RBFOX3: variants seen among roughly 807,000 people sequenced by gnomAD.
RBFOX3 encodes RNA binding fox-1 homolog 3.
In RBFOX3, 17 loss-of-function variants were observed where a neutral mutation model predicts 48.7. The ratio of observed to expected loss-of-function variants is 0.35; its 90% confidence interval spans 0.24 to 0.52. The LOEUF (loss-of-function observed/expected upper bound fraction) is 0.52, where lower values mean the gene tolerates loss of function less well. RBFOX3 is among the 20% of genes least tolerant of loss of function. The pLI, the probability that RBFOX3 is intolerant of heterozygous loss-of-function variation, is 0.94. For missense variants in RBFOX3, 382 were observed against 497.5 expected (o/e 0.77, Z 2.21); for synonymous variants, 212 against 209.5 (o/e 1.01, Z -0.10).
chr17:79,513,089 C>T (rs975984909), intron 1 of RBFOX3, among the ~76,000 whole-genome samples: 29 of 152,012 alleles, frequency 1.9e-4, no homozygotes, highest in African/African-American at 4.8e-4. Flanking sequence ...ATGTTACCAT[C>T]GGGTACAGCC....
rs937888895 is a variant in RBFOX3, at chr17:79,363,697, C to A, written c.-174-55873G>T. Among the ~76,000 whole-genome samples the A allele has an allele frequency of 2.0e-5, 3 of 152,002 alleles. No individual in the cohort carries two copies. The highest frequency in any genetic ancestry group is 6.5e-5 in the Admixed American group (1 of 15,276). ...AGGCCACCAGCAGGTGTTTCAGGGA[C>A]CTCCGACACGCCTCCAGAGCCCCCA... On this transcript the variant is annotated intron_variant, in intron 2 of 14. Coordinates refer to ENST00000693108, the MANE Select transcript of RBFOX3 (RefSeq NM_001350451.2). This position sits in a 1 kb window ranked among gnomAD's most constrained non-coding sequence, Gnocchi z 4.7.
chr17:79,643,977 G>A, the RBFOX3 span, among the ~76,000 whole-genome samples: 1 of 151,708 alleles, frequency 6.6e-6, no homozygotes, highest in Non-Finnish European at 1.5e-5. Flanking sequence ...GCTAAAAGAT[G>A]GTTCTTTGAA....
At chr17:79,182,748 G>A (rs1055659124) in intron 4 of RBFOX3, among the ~76,000 whole-genome samples, 5 of 149,682 alleles carry the variant, frequency 3.3e-5, no homozygotes, top group East Asian at 3.9e-4. Context: ...GGCCTCCCTC[G>A]CCAGGCGGGT....
At chr17:79,279,997 G>A (rs910970728) in intron 3 of RBFOX3, among the ~76,000 whole-genome samples, 10 of 152,046 alleles carry the variant, frequency 6.6e-5, no homozygotes, top group Admixed American at 1.3e-4. Flanking sequence ...AAATAGTAAT[G>A]GGTAGTCCAG....
intron 9 of RBFOX3, among the ~76,000 whole-genome samples, chr17:79,100,663 G>A: frequency 6.6e-6 from 1 of 152,214 alleles, no homozygotes; most frequent in East Asian, 1.9e-4. Flanking sequence ...ATCCCGTCTA[G>A]GGGCAGCGCT....
In RBFOX3 at chr17:79,477,338, C is replaced by G. The variant is rs377196121; in HGVS notation, c.-175+5116G>C. ...TTGGGAGGCCAAGGCAGGTGGATCA[C>G]GAGGTCAGGAGATCGAGATCATCCT... is the stretch of plus-strand genomic sequence containing the variant. On this transcript the variant is annotated intron_variant, in intron 2 of 14. Coordinates refer to ENST00000693108, the MANE Select transcript of RBFOX3 (RefSeq NM_001350451.2). The surrounding 1 kb of genome is among the most constrained non-coding windows in gnomAD (Gnocchi z 4.8). Among the ~76,000 whole-genome samples the G allele has an allele frequency of 6.7e-6, 1 of 148,410 alleles. No homozygotes were observed. Among genetic ancestry groups the G allele is most frequent in the Admixed American group, 6.7e-5 (1 of 14,830 alleles).
Position 79,311,514 on chromosome 17 carries a change from C to CAGATTCGG in RBFOX3, c.-174-3698_-174-3691dup, listed in dbSNP as rs1473137566. On this transcript the variant is annotated intron_variant, in intron 2 of 14. Coordinates refer to ENST00000693108, the MANE Select transcript of RBFOX3 (RefSeq NM_001350451.2). This position sits in a 1 kb window ranked among gnomAD's most constrained non-coding sequence, Gnocchi z 4.2. ...GCCTGTCCACCCATCCTACAGAGTT[C>CAGATTCGG]AGATTCGGCAGCCTTCGCAATAACA... Among the ~76,000 whole-genome samples, 2 of 151,622 alleles carry CAGATTCGG rather than the reference C, an allele frequency of 1.3e-5. No individual in the cohort carries two copies. The highest frequency in any genetic ancestry group is 1.3e-4 in the Admixed American group (2 of 15,204).
At chr17:79,558,893 C>T (rs962989769) in intron 1 of RBFOX3, among the ~76,000 whole-genome samples, 39 of 152,036 alleles carry the variant, frequency 2.6e-4, no homozygotes, top group Admixed American at 9.2e-4. Flanking sequence ...AGGAGCAGGA[C>T]CCCTGTGGCC....
In RBFOX3 at chr17:79,106,371, G is replaced by C. The variant is rs1364462203; in HGVS notation, c.360+280C>G. On this transcript the variant is annotated intron_variant, in intron 6 of 14. Transcript: ENST00000693108. ...TCTGGGGGGCATGGGTGGATTTCTG[G>C]CTGGGAGCAGGAGGGGTGGGGTTTG... Among the ~76,000 whole-genome samples, 5 of 152,100 alleles carry C rather than the reference G, an allele frequency of 3.3e-5. No homozygotes were observed. In the East Asian group the frequency reaches 9.6e-4, roughly 29 times the overall value.
intron 3 of RBFOX3, among the ~76,000 whole-genome samples, chr17:79,292,073 G>A (rs961761821): frequency 6.6e-6 from 1 of 151,958 alleles, no homozygotes; most frequent in Non-Finnish European, 1.5e-5. Flanking sequence ...CTCATTCCAG[G>A]GCTTTCTCTG....
At chr17:79,339,370 C>T (rs1390271627) in intron 2 of RBFOX3, among the ~76,000 whole-genome samples, 3 of 152,130 alleles carry the variant, frequency 2.0e-5, no homozygotes, top group South Asian at 2.1e-4. Flanking sequence ...TTCTTAGTCG[C>T]GCTGAAGCTT....
intron 3 of RBFOX3, among the ~76,000 whole-genome samples, chr17:79,255,683 G>A (rs1246423432): frequency 6.6e-6 from 1 of 152,038 alleles, no homozygotes; most frequent in East Asian, 2.0e-4. Flanking sequence ...GTGCTCAGCA[G>A]CAGCACTGGG....
the RBFOX3 span, among the ~76,000 whole-genome samples, chr17:79,651,625 CCTCT>C: frequency 6.1e-5 from 6 of 97,688 alleles, no homozygotes; most frequent in African/African-American, 1.4e-4. Context: ...TGCCCCCTTT[CCTCT>C]CTCTCTCTCT....
chr17:79,584,769 A>AT (rs1462141406), intron 1 of RBFOX3, among the ~76,000 whole-genome samples: 15 of 81,732 alleles, frequency 1.8e-4, no homozygotes, highest in African/African-American at 2.4e-4. Flanking sequence ...ATTTTTATTT[A>AT]TTTATTTTTT....
intron 1 of RBFOX3, among the ~76,000 whole-genome samples, chr17:79,588,494 A>G (rs1276338042): frequency 1.3e-5 from 2 of 152,050 alleles, no homozygotes; most frequent in Non-Finnish European, 2.9e-5. Context: ...CAAGGTACTG[A>G]CCACCCTCAC....
At chr17:79,368,295 G>A (rs201920204) in intron 2 of RBFOX3, among the ~76,000 whole-genome samples, 1 of 76,672 alleles carries the variant, frequency 1.3e-5, no homozygotes, top group Non-Finnish European at 3.5e-5. Context: ...CAGCAGCTGA[G>A]GAGAGACCTC....
chr17:79,435,340 G>T (rs1207271814), intron 2 of RBFOX3, among the ~76,000 whole-genome samples: 1 of 152,178 alleles, frequency 6.6e-6, no homozygotes, highest in Admixed American at 6.5e-5. Flanking sequence ...ATGCTTTAAA[G>T]GGGGGAGAAG....
chr17:79,356,372 T>TG lies in RBFOX3; in HGVS notation c.-174-48549_-174-48548insC, dbSNP rs1173214074. Among the ~76,000 whole-genome samples, 114 of 73,974 alleles carry TG rather than the reference T, an allele frequency of 1.5e-3. 2 individuals carry two copies. The highest frequency in any genetic ancestry group is 9.2e-3 in the East Asian group (17 of 1,838). The allele number at this position is 73,974 out of a possible 152,430, so 48.5% of individuals were successfully genotyped here. A position where few individuals can be genotyped will look rare whatever the true frequency, so the allele number is the denominator to read the frequency against. ...AGTTTTTTTTTTTTTTTTTTTTTTT[T>TG]TTTTTTTTTTTTTTGAGGAGGAGTC... On this transcript the variant is annotated intron_variant, in intron 2 of 14. Transcript: ENST00000693108.
chr17:79,417,010 C>T (rs151320233), intron 2 of RBFOX3, among the ~76,000 whole-genome samples: 3 of 152,302 alleles, frequency 2.0e-5, no homozygotes, highest in Non-Finnish European at 4.4e-5. Context: ...CAGCAGGGTT[C>T]GCATGGCAGG....
Sources: gnomAD v4.1 joint callset for allele counts (sites outside exome capture counted in the v4.1 genomes callset) on GRCh38, gnomAD v4.1.1 for gene constraint, Gnocchi (gnomAD v3.1) non-coding constraint, MANE v1.5 for transcripts, NCBI Gene and HGNC (gene_info 2026-07-23, HGNC 2026-07-21) for gene names.